Variants in IL12RB2 observed in about 807,000 individuals in gnomAD.
IL12RB2 encodes the protein interleukin-12 receptor subunit beta-2.
Under a neutral mutation model 89.4 loss-of-function variants are expected in IL12RB2, and 82 were observed. The observed-to-expected ratio is 0.92, with a 90% CI of 0.77 to 1.10. The LOEUF (loss-of-function observed/expected upper bound fraction) is 1.10, where lower values mean the gene tolerates loss of function less well. Among genes scored for constraint, IL12RB2 ranks in the 50% least tolerant of loss-of-function variants. IL12RB2 has a pLI of 0.00. For synonymous variants in IL12RB2, 368 were observed against 370.1 expected (o/e 0.99, Z 0.07); for missense variants, 963 against 1,031.9 (o/e 0.93, Z 0.92).
rs1259673097 is a variant in IL12RB2 at position 67,329,656 on chromosome 1, A to C, written c.734A>C (p.Tyr245Ser). 6.3e-7 allele frequency: 1 copy of C among 1,580,438 alleles called. No homozygotes were observed. The highest frequency in any genetic ancestry group is 1.7e-4 in the Middle Eastern group (1 of 6,008). Reference protein sequence around the residue: ...QKASVSRCTLYWRDEGLVLLN... With the variant: ...QKASVSRCTLSWRDEGLVLLN... ...GCTTCTGTGAGCAGATGTACCCTTT[A>C]TTGGAGAGATGAGGGACTGGTACTG... The change falls in exon 7 of 17, where the codon TAT becomes TCT. Residue 245 changes from tyrosine to serine, a missense_variant. Physicochemically the swap from Tyr to Ser is moderately radical, Grantham distance 144 (BLOSUM62 -2). Coordinates refer to ENST00000674203, the MANE Select transcript of IL12RB2 (RefSeq NM_001374259.2).
At chr1:67,360,421 T>C (rs533789089) in intron 10 of IL12RB2, among the ~76,000 whole-genome samples, 1 of 146,338 alleles carries the variant, frequency 6.8e-6, no homozygotes, top group Admixed American at 6.8e-5. Flanking sequence ...AAAAAGGAGA[T>C]TGACCAGGTT....
intron 10 of IL12RB2, among the ~76,000 whole-genome samples, chr1:67,359,355 T>G (rs570424999): frequency 6.6e-6 from 1 of 152,270 alleles, no homozygotes; most frequent in East Asian, 1.9e-4. Context: ...CAAGAAAAGT[T>G]ATTGCCTAAA....
intron 3 of IL12RB2, 34 bp downstream of exon 3, chr1:67,320,478 A>ATTTGTGG: frequency 6.2e-7 from 1 of 1,612,716 alleles, no homozygotes; most frequent in African/African-American, 1.3e-5. Flanking sequence ...CTGTGGAAGA[A>ATTTGTGG]TTTGTGGTTT....
Position 67,330,796 on chromosome 1 carries a change from A to G in IL12RB2, c.944A>G (p.Gln315Arg). ...GATTGGAGTGAATCATTGAGAGCAC[A>G]AACACCAGAAGAAGGTATATGTCCA... ...WSDWSESLRA[Q>R]TPEEEPTGML... Residue 315 changes from glutamine to arginine, a missense_variant, in exon 8 of 17, where the codon CAA (glutamine) becomes CGA (arginine). Physicochemically the swap from Gln to Arg is conservative, Grantham distance 43. Coordinates refer to ENST00000674203, the MANE Select transcript of IL12RB2 (RefSeq NM_001374259.2). 1.3e-6 allele frequency: 2 copies of G among 1,571,366 alleles called. No individual in the cohort carries two copies. The highest frequency in any genetic ancestry group is 1.8e-6 in the Non-Finnish European group (2 of 1,141,140).
chr1:67,357,158 A>G (rs928467533), intron 10 of IL12RB2, among the ~76,000 whole-genome samples: 1 of 152,162 alleles, frequency 6.6e-6, no homozygotes, highest in African/African-American at 2.4e-5. Context: ...GGAATTTAAG[A>G]CCAGCCTGGC....
chr1:67,340,245 G>A (rs1239785493), intron 9 of IL12RB2, among the ~76,000 whole-genome samples: 4 of 152,080 alleles, frequency 2.6e-5, no homozygotes, highest in Admixed American at 1.3e-4. Flanking sequence ...AACTAACACT[G>A]CAGCTCAAAA....
intron 2 of IL12RB2, among the ~76,000 whole-genome samples, chr1:67,314,577 C>T (rs1490716970): frequency 6.6e-6 from 1 of 152,194 alleles, no homozygotes; most frequent in African/African-American, 2.4e-5. Context: ...CTTAATACCA[C>T]TATTTCCCTT....
At position 67,320,548 on chromosome 1, in the gene IL12RB2, T is replaced by C. The variant is rs549358014; in HGVS notation, c.76+104T>C. The stretch of plus-strand genomic sequence containing the variant: ...GTAAATGTTCTGGTAGTTGGTCTTT[T>C]GTAGTCAATCTCTGTCATTTAAGTG... On this transcript the variant is annotated intron_variant, in intron 3 of 16. Coordinates refer to ENST00000674203, the MANE Select transcript of IL12RB2 (RefSeq NM_001374259.2). The C allele has an allele frequency of 3.2e-4, 511 of 1,581,210 alleles. 3 individuals carry two copies. The highest frequency in any genetic ancestry group is 2.1e-3 in the Middle Eastern group (9 of 4,372).
At chr1:67,374,510 C>T (rs1361832331) in intron 13 of IL12RB2, among the ~76,000 whole-genome samples, 1 of 147,098 alleles carries the variant, frequency 6.8e-6, no homozygotes, top group Non-Finnish European at 1.5e-5. Context: ...GAGTCTTGCT[C>T]TGTTGCCTAG....
At position 67,320,350 on chromosome 1, in the gene IL12RB2, A is replaced by G. The variant is rs376220692; in HGVS notation, c.-19A>G. On this transcript the variant is annotated 5_prime_UTR_variant, in exon 3 of 17. Coordinates refer to ENST00000674203, the MANE Select transcript of IL12RB2 (RefSeq NM_001374259.2). The stretch of plus-strand genomic sequence containing the variant: ...TTTGCAAGGAAGAATACGGAGTTCT[A>G]TACCAGAGTTGATTGTTGATGGCAC... The G allele has an allele frequency of 6.2e-7, 1 of 1,613,808 alleles. No individual in the cohort carries two copies. The highest frequency in any genetic ancestry group is 8.5e-7 in the Non-Finnish European group (1 of 1,179,904).
At chr1:67,344,379 G>A (rs1164710840) in intron 9 of IL12RB2, among the ~76,000 whole-genome samples, 4 of 152,198 alleles carry the variant, frequency 2.6e-5, no homozygotes, top group South Asian at 4.2e-4. Flanking sequence ...TGCAACCTCC[G>A]CCTCCTAAGT....
intron 1 of IL12RB2, among the ~76,000 whole-genome samples, chr1:67,308,275 G>C (rs1485165161): frequency 6.6e-6 from 1 of 151,980 alleles, no homozygotes; most frequent in African/African-American, 2.4e-5. Flanking sequence ...TCTCTGGGCC[G>C]GGGCACAGAG....
intron 9 of IL12RB2, among the ~76,000 whole-genome samples, chr1:67,344,286 AT>A (rs1659979290): frequency 6.6e-6 from 1 of 152,178 alleles, no homozygotes; most frequent in South Asian, 2.1e-4. Context: ...GGTGAAATTA[AT>A]TTTAATAATT....
chr1:67,329,610 A>C lies in IL12RB2; in HGVS notation c.688A>C (p.Ile230Leu), dbSNP rs765307336. 2 of 1,587,590 alleles carry C rather than the reference A, an allele frequency of 1.3e-6. No homozygotes were observed. Among genetic ancestry groups the C allele is most frequent in the Non-Finnish European group, 1.7e-6 (2 of 1,155,636 alleles). Residue 230 changes from isoleucine to leucine, a missense_variant, in exon 7 of 17, where the codon ATT (isoleucine) becomes CTT (leucine). Ile to Leu is a conservative substitution (Grantham distance 5). Transcript: ENST00000674203. Reference sequence around the variant, plus strand: ...AGTGAGGCCTCTTCCTCCGTGGGACATTAGAATCAAATTTCAAAAGGCTTC... The same window carrying C: ...AGTGAGGCCTCTTCCTCCGTGGGACCTTAGAATCAAATTTCAAAAGGCTTC... ...DIVRPLPPWD[I>L]RIKFQKASVS...
intron 5 of IL12RB2, among the ~76,000 whole-genome samples, chr1:67,327,340 A>G (rs529525108): frequency 1.1e-4 from 17 of 152,342 alleles, no homozygotes; most frequent in South Asian, 8.3e-4. Flanking sequence ...TTCTATGTTT[A>G]TAGTTAAAAC....
Position 67,320,411 on chromosome 1 carries a change from A to G in IL12RB2, c.43A>G (p.Ile15Val). The change falls in exon 3 of 17, where the codon ATA (isoleucine) becomes GTA (valine). Residue 15 changes from isoleucine to valine, a missense_variant. Ile to Val is a conservative substitution (Grantham distance 29). Transcript: ENST00000674203. ...AGGATGCTCATTGGCATTTATGTTT[A>G]TAATCACGTGGCTGTTGATTAAAGC... ...FRGCSLAFMF[I>V]ITWLLIKAKI... is the part of the protein sequence containing the mutation. 3.7e-6 allele frequency: 6 copies of G among 1,613,984 alleles called. No individual in the cohort carries two copies. Among genetic ancestry groups the G allele is most frequent in the African/African-American group, 1.3e-5 (1 of 75,060 alleles).
intron 1 of IL12RB2, among the ~76,000 whole-genome samples, chr1:67,313,437 A>T (rs1035127974): frequency 2.6e-5 from 4 of 152,192 alleles, no homozygotes; most frequent in African/African-American, 9.6e-5. Context: ...TAGTATTAGT[A>T]TAGTGTTAAG....
chr1:67,394,506 A>G (rs1308272322), intron 16 of IL12RB2, among the ~76,000 whole-genome samples: 1 of 152,206 alleles, frequency 6.6e-6, no homozygotes, highest in African/African-American at 2.4e-5. Context: ...CAAAAGTATA[A>G]GCTAATTTTG....
At chr1:67,346,371 G>GTTATTTT (rs1557429350) in intron 9 of IL12RB2, among the ~76,000 whole-genome samples, 1 of 134,554 alleles carries the variant, frequency 7.4e-6, no homozygotes, top group African/African-American at 2.8e-5. Flanking sequence ...CCAGGTGAGG[G>GTTATTTT]TTGTCTATTT....
Sources: allele counts gnomAD v4.1 joint callset (sites outside exome capture counted in the v4.1 genomes callset), GRCh38; gene constraint gnomAD v4.1.1; transcripts MANE v1.5; gene names NCBI Gene and HGNC (gene_info 2026-07-23, HGNC 2026-07-21).